XRCC5: variants seen among roughly 807,000 people sequenced by gnomAD.
XRCC5 encodes DNA repair protein Ku80.
XRCC5 carries 12 observed loss-of-function variants against 95.7 expected under a neutral mutation model. The observed-to-expected ratio is 0.13, with a 90% CI of 0.08 to 0.20. XRCC5 has a LOEUF of 0.20. Among genes scored for constraint, XRCC5 ranks in the 10% least tolerant of loss-of-function variants. XRCC5 has a pLI of 1.00. For missense variants in XRCC5, 595 were observed against 873.9 expected, an observed-to-expected ratio of 0.68 and a Z score of 4.02; for synonymous variants, 281 against 290.3, an observed-to-expected ratio of 0.97 and a Z score of 0.33.
At chr2:216,113,879 C>T (rs1341830211) in intron 2 of XRCC5, among the ~76,000 whole-genome samples, 1 of 152,154 alleles carries the variant, frequency 6.6e-6, no homozygotes, top group Non-Finnish European at 1.5e-5. Flanking sequence ...TTCTTAAGAC[C>T]TATTTTTAGA....
chr2:216,204,517 C>A, intron 20 of XRCC5, 121 bp downstream of exon 20: 2 of 995,708 alleles, frequency 2.0e-6, no homozygotes, highest in Non-Finnish European at 1.6e-6. Flanking sequence ...TCCAATACAC[C>A]AGAAGCTTCC....
At chr2:216,118,276 A>G (rs1244113595) in intron 4 of XRCC5, among the ~76,000 whole-genome samples, 1 of 151,782 alleles carries the variant, frequency 6.6e-6, no homozygotes, top group Non-Finnish European at 1.5e-5. Flanking sequence ...TCCTGGGCTC[A>G]AGAGATCCTT....
chr2:216,154,769 C>G (rs1688811109), intron 14 of XRCC5, among the ~76,000 whole-genome samples: 1 of 152,116 alleles, frequency 6.6e-6, no homozygotes, highest in African/African-American at 2.4e-5. Flanking sequence ...TTCACAGATT[C>G]CTTGATGTCA....
At chr2:216,160,962 G>A (rs571328702) in intron 15 of XRCC5, among the ~76,000 whole-genome samples, 4 of 152,180 alleles carry the variant, frequency 2.6e-5, no homozygotes, top group Admixed American at 1.3e-4. Flanking sequence ...CCGAAGCACT[G>A]GGATTATAGT....
chr2:216,143,157 T>C (rs1392412928), intron 13 of XRCC5, among the ~76,000 whole-genome samples: 3 of 152,214 alleles, frequency 2.0e-5, no homozygotes, highest in Non-Finnish European at 4.4e-5. Flanking sequence ...GTAAGTGTCC[T>C]ACTGAGTTCT....
intron 3 of XRCC5, chr2:216,117,465 T>C: frequency 2.3e-6 from 1 of 434,062 alleles, no homozygotes; most frequent in Non-Finnish European, 4.2e-6. Context: ...GAATGGGTTC[T>C]AGATACTATT....
At chr2:216,157,710 T>C (rs928270080) in intron 14 of XRCC5, among the ~76,000 whole-genome samples, 7 of 152,182 alleles carry the variant, frequency 4.6e-5, no homozygotes, top group Non-Finnish European at 1.0e-4. Context: ...TCAGTAAATA[T>C]TAGGCTAAAT....
rs190208500 is a variant in XRCC5 at position 216,139,624 on chromosome 2, G to A, written c.1342+1445G>A. Among the ~76,000 whole-genome samples, 215 of 152,126 alleles carry A rather than the reference G, an allele frequency of 1.4e-3. 1 individual carries two copies. Among genetic ancestry groups the A allele is most frequent in the Non-Finnish European group, 2.5e-3 (170 of 67,998 alleles). On this transcript the variant is annotated intron_variant, in intron 12 of 20. Transcript: ENST00000392132. ...CTGGCTCAAGCAATCCTCTTGCCTC[G>A]GCCTCCTAAGTAGTTGGGACTACAG...
In XRCC5 at chr2:216,157,280, C is replaced by T. The variant is rs557665957; in HGVS notation, c.1671-2788C>T. On this transcript the variant is annotated intron_variant, in intron 14 of 20. Transcript: ENST00000392132. ...ACGGAGTGTCACTCTGTCACCCAGG[C>T]TGGAGTGCAGTGGCGCCATTGTGGC... Among the ~76,000 whole-genome samples, 39 of 151,452 alleles carry T rather than the reference C, an allele frequency of 2.6e-4. 2 individuals carry two copies. The South Asian group carries it at 7.9e-3, about 31-fold the overall frequency.
chr2:216,149,920 C>A (rs1252206021), intron 14 of XRCC5, among the ~76,000 whole-genome samples: 1 of 152,200 alleles, frequency 6.6e-6, no homozygotes, highest in Non-Finnish European at 1.5e-5. Context: ...CTCACACACG[C>A]TTGCTCACGC....
intron 14 of XRCC5, among the ~76,000 whole-genome samples, chr2:216,159,575 C>T (rs1232191958): frequency 6.6e-6 from 1 of 152,042 alleles, no homozygotes; most frequent in Non-Finnish European, 1.5e-5. Context: ...TAAGTTTTGA[C>T]AGTTGTAAAC....
chr2:216,168,141 C>T (rs1018202317), intron 16 of XRCC5, among the ~76,000 whole-genome samples: 3 of 152,124 alleles, frequency 2.0e-5, no homozygotes, highest in Admixed American at 6.5e-5. Flanking sequence ...TATCTGACAT[C>T]GTAATTATGC....
intron 15 of XRCC5, among the ~76,000 whole-genome samples, chr2:216,160,686 A>T (rs35051025): frequency 0.57 from 86,174 of 151,194 alleles, 25,100 homozygotes; most frequent in African/African-American, 0.68. Flanking sequence ...TTAATTAATT[A>T]ATTAATTTTT....
rs192672163 is a variant in XRCC5 at position 216,153,624 on chromosome 2, G to C, written c.1670+5348G>C. 2.8e-4 allele frequency among the ~76,000 whole-genome samples: 42 copies of C among 152,292 alleles called. No homozygotes were observed. In the East Asian group the frequency reaches 7.7e-3, roughly 28 times the overall value. On this transcript the variant is annotated intron_variant, in intron 14 of 20. Coordinates refer to ENST00000392132, the MANE Select transcript of XRCC5 (RefSeq NM_021141.4). ...GCCATCCTATGAAGTAGATTCTTCT[G>C]TTGACCCCCAACTTAAAGCTCAGGA...
Position 216,117,749 on chromosome 2 carries a change from T to A in XRCC5, c.323T>A (p.Leu108Gln). 2 of 1,614,140 alleles carry A rather than the reference T, an allele frequency of 1.2e-6. No individual in the cohort carries two copies. The highest frequency in any genetic ancestry group is 1.7e-6 in the Non-Finnish European group (2 of 1,179,982). Residue 108 changes from leucine to glutamine, a missense_variant, in exon 4 of 21, where the codon CTG (leucine) becomes CAG (glutamine). Leu to Gln is a moderately radical substitution (Grantham distance 113). Coordinates refer to ENST00000392132, the MANE Select transcript of XRCC5 (RefSeq NM_021141.4). Reference sequence around the variant, plus strand: ...TCCCTATCCTTAACTAGCTGAGTCCTGGATGCACTAATCGTGAGCATGGAT... The same window carrying A: ...TCCCTATCCTTAACTAGCTGAGTCCAGGATGCACTAATCGTGAGCATGGAT... ...IQPGSQQADFLDALIVSMDVI... is the reference protein window; with the variant it reads ...IQPGSQQADFQDALIVSMDVI...
rs374662794 is a variant in XRCC5, at chr2:216,192,655, G to A, written c.1961G>A (p.Arg654His). Residue 654 changes from arginine (R) to histidine (H), a missense_variant, in exon 18 of 21, where the codon CGC (arginine) becomes CAC (histidine). By Grantham distance (29) the Arg-to-His change is conservative (BLOSUM62 0). This residue lies in a region of XRCC5 where 309 missense variants were observed against 382.9 expected (regional missense o/e 0.81). Transcript: ENST00000392132. ...EEAIKFSEEQ[R>H]FNNFLKALQE... ...CTACCACAGTTTTCAGAAGAGCAGC[G>A]CTTTAACAACTTCCTGAAAGCCCTT... The A allele has an allele frequency of 1.6e-5, 26 of 1,591,708 alleles. No homozygotes were observed. The East Asian group carries it at 3.2e-4, about 20-fold the overall frequency.
rs1696825026 is a variant in XRCC5, at chr2:216,122,301, A to G, written c.683+48A>G. 1.9e-6 allele frequency: 3 copies of G among 1,543,846 alleles called. No individual in the cohort carries two copies. The South Asian group carries it at 3.5e-5, about 18-fold the overall frequency. ...GGAATTTTTAATTGTACCCACGTAA[A>G]TTTCTCTTTTGATTAGAGGTCTCCC... is the stretch of plus-strand genomic sequence containing the variant. On this transcript the variant is annotated intron_variant, in intron 6 of 20. Coordinates refer to ENST00000392132, the MANE Select transcript of XRCC5 (RefSeq NM_021141.4).
intron 16 of XRCC5, chr2:216,175,358 T>C (rs1440853823): frequency 6.3e-6 from 3 of 476,388 alleles, no homozygotes; most frequent in East Asian, 1.1e-4. Context: ...ACTTCCAGAG[T>C]TTCCTCCACA....
In XRCC5 at chr2:216,199,808, A is replaced by AT. The variant is rs879564899; in HGVS notation, c.2110-4513dup. ...GAGGATTTATCCCCATGGCATTGGG[A>AT]TCTTTTTTTTTTTTTTTTTTTTTTT... On this transcript the variant is annotated intron_variant, in intron 19 of 20. Coordinates refer to ENST00000392132, the MANE Select transcript of XRCC5 (RefSeq NM_021141.4). Among the ~76,000 whole-genome samples, 690 of 121,874 alleles carry AT rather than the reference A, an allele frequency of 5.7e-3. 39 individuals carry two copies. The highest frequency in any genetic ancestry group is 0.012 in the East Asian group (48 of 3,910). The allele number at this position is 121,874 out of a possible 152,430, so 80.0% of individuals were successfully genotyped here. A position where few individuals can be genotyped will look rare whatever the true frequency, so the allele number is the denominator to read the frequency against.
Sources: allele counts gnomAD v4.1 joint callset (sites outside exome capture counted in the v4.1 genomes callset), GRCh38; gene constraint gnomAD v4.1.1; regional missense constraint gnomAD v4.1.1; transcripts MANE v1.5; gene names NCBI Gene and HGNC (gene_info 2026-07-23, HGNC 2026-07-21).